Variants in FAM20A observed in about 807,000 individuals in gnomAD.
The protein encoded by FAM20A is pseudokinase FAM20A.
In FAM20A, 42 loss-of-function variants were observed where a neutral mutation model predicts 52.0. That is an observed-to-expected ratio of 0.81 (90% CI 0.63 to 1.04). FAM20A has a LOEUF of 1.04. Ranked by LOEUF, FAM20A falls within the 50% of genes least tolerant of loss-of-function variation. The pLI is 0.00. For synonymous variants in FAM20A, 304 were observed against 298.9 expected (o/e 1.02, Z -0.18); for missense variants, 742 against 712.7 (o/e 1.04, Z -0.47).
Position 68,581,435 on chromosome 17 carries a change from CTTTT to C in FAM20A, c.404+18824_404+18827del, listed in dbSNP as rs1291975268. Reference sequence around the variant, plus strand: ...CTTTCTTTTTCTCTTTTCTTTCTTTCTTTTCTTTTTTTCTTTTCTTTCTTTCCTT... The same window carrying C: ...CTTTCTTTTTCTCTTTTCTTTCTTTCCTTTTTTTCTTTTCTTTCTTTCCTT... On this transcript the variant is annotated intron_variant, in intron 1 of 10. Transcript: ENST00000592554. Among the ~76,000 whole-genome samples, 4 of 81,880 alleles carry C rather than the reference CTTTT, an allele frequency of 4.9e-5. No homozygotes were observed. In the East Asian group the frequency reaches 1.8e-3, roughly 37 times the overall value. 53.7% of individuals were successfully genotyped at this position (81,880 alleles called of 152,430 possible).
intron 4 of FAM20A, among the ~76,000 whole-genome samples, chr17:68,548,099 A>G (rs2086651690): frequency 1.3e-5 from 2 of 152,212 alleles, no homozygotes; most frequent in Admixed American, 1.3e-4. Context: ...TGGAGCAGTC[A>G]GAACACACAT....
At chr17:68,575,398 T>TTTA (rs2087699550) in intron 1 of FAM20A, among the ~76,000 whole-genome samples, 1 of 133,612 alleles carries the variant, frequency 7.5e-6, no homozygotes, top group Admixed American at 8.9e-5. Context: ...TATATATATT[T>TTTA]TATATATATA....
chr17:68,600,513 A>G lies in FAM20A; in HGVS notation c.154T>C (p.Ser52Pro). ...RGCPCTGRAS[S>P]LARDSAAAAS... ...GCTGCGGCCGAGTCCCGCGCCAGGG[A>G]GGAGGCGCGGCCGGTGCACGGGCAC... Residue 52 changes from serine to proline, a missense_variant, in exon 1 of 11, where the codon TCC (serine) becomes CCC (proline). By Grantham distance (74) the Ser-to-Pro change is moderately conservative. Coordinates refer to ENST00000592554, the MANE Select transcript of FAM20A (RefSeq NM_017565.4). This position sits in a 1 kb window ranked among gnomAD's most constrained non-coding sequence, Gnocchi z 6.2. The G allele has an allele frequency of 6.3e-7, 1 of 1,580,214 alleles. No homozygotes were observed. The highest frequency in any genetic ancestry group is 8.6e-7 in the Non-Finnish European group (1 of 1,163,566).
intron 1 of FAM20A, among the ~76,000 whole-genome samples, chr17:68,570,646 T>C (rs1175539711): frequency 6.6e-6 from 1 of 152,214 alleles, no homozygotes; most frequent in Admixed American, 6.5e-5. Flanking sequence ...GGGGCTTTCC[T>C]GAGTTAGGAT....
In FAM20A at chr17:68,547,995, G is replaced by A. The variant is rs574307898; in HGVS notation, c.719+3878C>T. 4.0e-5 allele frequency among the ~76,000 whole-genome samples: 6 copies of A among 149,612 alleles called. No individual in the cohort carries two copies. The South Asian group carries it at 1.3e-3, about 32-fold the overall frequency. On this transcript the variant is annotated intron_variant, in intron 4 of 10. Coordinates refer to ENST00000592554, the MANE Select transcript of FAM20A (RefSeq NM_017565.4). Reference sequence around the variant, plus strand: ...TTCATGTGAACACTTAGAGGCCCTTGTTGGGTTACTAACTGGCCTCATTTC... The same window carrying A: ...TTCATGTGAACACTTAGAGGCCCTTATTGGGTTACTAACTGGCCTCATTTC...
intron 4 of FAM20A, among the ~76,000 whole-genome samples, chr17:68,546,301 TTACCTTC>T (rs2086563327): frequency 6.6e-6 from 1 of 151,864 alleles, no homozygotes; most frequent in Non-Finnish European, 1.5e-5. Flanking sequence ...ACATCTGCAG[TTACCTTC>T]TCCACTGAAG....
At position 68,554,673 on chromosome 17, in the gene FAM20A, A is replaced by G. The variant is rs1349217485; in HGVS notation, c.640+104T>C. On this transcript the variant is annotated intron_variant, in intron 3 of 10. Transcript: ENST00000592554. ...GTTCTCAGAGGTTAGGCAGAGAGCCATGCTCCTTCCACTCTTGCCCAAGGT... is the reference window on the plus strand; with the variant it reads ...GTTCTCAGAGGTTAGGCAGAGAGCCGTGCTCCTTCCACTCTTGCCCAAGGT... 7 of 1,070,118 alleles carry G rather than the reference A, an allele frequency of 6.5e-6. No individual in the cohort carries two copies. The African/African-American group carries it at 1.0e-4, about 15-fold the overall frequency. 66.3% of individuals were successfully genotyped at this position (1,070,118 alleles called of 1,614,324 possible). A position where few individuals can be genotyped will look rare whatever the true frequency, so the allele number is the denominator to read the frequency against.
intron 10 of FAM20A, among the ~76,000 whole-genome samples, chr17:68,538,361 G>A (rs1283828436): frequency 6.6e-6 from 1 of 152,320 alleles, no homozygotes; most frequent in East Asian, 1.9e-4. Context: ...GAGGCCAGAG[G>A]GAAGCATGTT....
At chr17:68,592,432 A>C (rs1354186596) in intron 1 of FAM20A, among the ~76,000 whole-genome samples, 2 of 152,208 alleles carry the variant, frequency 1.3e-5, no homozygotes, top group East Asian at 3.8e-4. Flanking sequence ...GGACACTTGA[A>C]TTGGCCAGGA....
In FAM20A at chr17:68,572,011, T is replaced by C. The variant is rs1458381756; in HGVS notation, c.405-16268A>G. ...ACATATATATATATATATATATATA[T>C]ATATATATATATATATATATATATA... On this transcript the variant is annotated intron_variant, in intron 1 of 10. Transcript: ENST00000592554. 9.7e-4 allele frequency among the ~76,000 whole-genome samples: 62 copies of C among 63,728 alleles called. 2 individuals are homozygous for C. Among genetic ancestry groups the C allele is most frequent in the African/African-American group, 3.7e-3 (60 of 16,056 alleles). 41.8% of individuals were successfully genotyped at this position (63,728 alleles called of 152,430 possible). A position where few individuals can be genotyped will look rare whatever the true frequency, so the allele number is the denominator to read the frequency against.
At chr17:68,569,707 G>C (rs1484227995) in intron 1 of FAM20A, among the ~76,000 whole-genome samples, 1 of 152,168 alleles carries the variant, frequency 6.6e-6, no homozygotes, top group African/African-American at 2.4e-5. Flanking sequence ...AGTTCTATTG[G>C]ACTCAGTGGT....
chr17:68,543,232 G>C (rs2086389004), intron 5 of FAM20A, among the ~76,000 whole-genome samples: 1 of 152,072 alleles, frequency 6.6e-6, no homozygotes, highest in Non-Finnish European at 1.5e-5. Context: ...ACCACACTTT[G>C]GGTAGCAATG....
At chr17:68,577,491 G>A (rs371472961) in intron 1 of FAM20A, among the ~76,000 whole-genome samples, 1 of 152,202 alleles carries the variant, frequency 6.6e-6, no homozygotes, top group African/African-American at 2.4e-5. Flanking sequence ...AGACATATTT[G>A]GTTGTCATAG....
chr17:68,564,490 A>G (rs2087316425), intron 1 of FAM20A, among the ~76,000 whole-genome samples: 1 of 152,224 alleles, frequency 6.6e-6, no homozygotes, highest in African/African-American at 2.4e-5. Context: ...ACATCCCATA[A>G]GCAAGGGAAT....
chr17:68,575,487 A>C (rs1170552888), intron 1 of FAM20A, among the ~76,000 whole-genome samples: 1 of 115,292 alleles, frequency 8.7e-6, no homozygotes, highest in Non-Finnish European at 1.7e-5. Context: ...TATATATTAT[A>C]TATTATAGAT....
At chr17:68,551,816 C>T in intron 4 of FAM20A, 57 bp downstream of exon 4, 5 of 1,341,476 alleles carry the variant, frequency 3.7e-6, no homozygotes, top group Admixed American at 2.0e-5. Flanking sequence ...GTTTTTGGTC[C>T]AAATCTTCCC....
At chr17:68,574,672 A>G (rs1472492726) in intron 1 of FAM20A, among the ~76,000 whole-genome samples, 1 of 152,310 alleles carries the variant, frequency 6.6e-6, no homozygotes, top group East Asian at 1.9e-4. Context: ...GTGAAGAATT[A>G]TTTCCAACTT....
chr17:68,546,191 AAAAAGC>A (rs2086554622), intron 4 of FAM20A, among the ~76,000 whole-genome samples: 2 of 117,072 alleles, frequency 1.7e-5, no homozygotes, highest in African/African-American at 5.7e-5. Flanking sequence ...AAAAAAAAAA[AAAAAGC>A]AGCAACTCTA....
intron 5 of FAM20A, 39 bp from the exon 6 acceptor site, chr17:68,542,848 C>T: frequency 6.6e-7 from 1 of 1,504,492 alleles, no homozygotes; most frequent in Non-Finnish European, 9.2e-7. Context: ...GAGGGATGAT[C>T]AGGGAGTGAG....
Sources: allele counts gnomAD v4.1 joint callset (sites outside exome capture counted in the v4.1 genomes callset), GRCh38; gene constraint gnomAD v4.1.1; non-coding constraint Gnocchi (gnomAD v3.1); transcripts MANE v1.5; gene names NCBI Gene and HGNC (gene_info 2026-07-23, HGNC 2026-07-21).